Variants in PRH2 observed in about 807,000 individuals in gnomAD.
PRH2 encodes proline rich protein HaeIII subfamily 2, also known as salivary acidic proline-rich phosphoprotein 1/2.
Under a neutral mutation model 22.6 loss-of-function variants are expected in PRH2, and 19 were observed. The ratio of observed to expected loss-of-function variants is 0.84; its 90% CI spans 0.59 to 1.23. PRH2 has a LOEUF of 1.23. Ranked by LOEUF, PRH2 falls within the 50% of genes most tolerant of loss-of-function variation. The pLI is 0.00. For missense variants in PRH2, 109 were observed against 203.0 expected, an observed-to-expected ratio of 0.54 and a Z score of 2.81; for synonymous variants, 45 against 72.0, an observed-to-expected ratio of 0.63 and a Z score of 1.90.
In PRH2 at chr12:10,932,299, C is replaced by A; in HGVS notation, c.*92C>A. The A allele has an allele frequency of 2.6e-6, 1 of 382,706 alleles. No homozygotes were observed. The highest frequency in any genetic ancestry group is 5.7e-6 in the Non-Finnish European group (1 of 175,376). The allele number at this position is 382,706 out of a possible 1,614,324, so 23.7% of individuals were successfully genotyped here. ...TGATCATGCTCTAACTTCAATATAC[C>A]AATAAAATAATCAGCTTGCAATTTC... On this transcript the variant is annotated 3_prime_UTR_variant, in exon 4 of 4. Transcript: ENST00000396400.
chr12:10,929,884 C>G (rs1214397050), intron 1 of PRH2, among the ~76,000 whole-genome samples: 2 of 152,122 alleles, frequency 1.3e-5, no homozygotes, highest in Non-Finnish European at 2.9e-5. Flanking sequence ...AAGATTGTAT[C>G]TAAGTGGCTA....
Position 10,932,894 on chromosome 12 carries a change from C to T in PRH2, c.*687C>T, listed in dbSNP as rs1269928456. Among the ~76,000 whole-genome samples the T allele has an allele frequency of 6.6e-6, 1 of 150,968 alleles. No individual in the cohort carries two copies. On this transcript the variant is annotated 3_prime_UTR_variant, in exon 4 of 4. Coordinates refer to ENST00000396400, the MANE Select transcript of PRH2 (RefSeq NM_001110213.1). ...AGAAATTGATGACTTTATAATGCAA[C>T]CAGGAGTATTGAAAAAAAAGTAAGC...
At chr12:10,929,657 T>C (rs1277280813) in intron 1 of PRH2, among the ~76,000 whole-genome samples, 1 of 152,206 alleles carries the variant, frequency 6.6e-6, no homozygotes, top group African/African-American at 2.4e-5. Context: ...GTGAAGATCC[T>C]ATACTGATCC....
Position 10,931,076 on chromosome 12 carries a change from G to A in PRH2, c.*14G>A, listed in dbSNP as rs773808538. On this transcript the variant is annotated 3_prime_UTR_variant, in exon 3 of 4. Transcript: ENST00000396400. ...TCTCCTCAGTAATCTAGGATTCAAT[G>A]ATAGGTATGATTCCAGTTTATTATC... The A allele has an allele frequency of 7.7e-6, 12 of 1,553,214 alleles. No individual in the cohort carries two copies. The highest frequency in any genetic ancestry group is 1.0e-5 in the Non-Finnish European group (12 of 1,154,562).
rs1950167712 is a variant in PRH2 at position 10,929,301 on chromosome 12, C to G, written c.28C>G (p.Leu10Val). 6.2e-7 allele frequency: 1 copy of G among 1,614,046 alleles called. No individual in the cohort carries two copies. The highest frequency in any genetic ancestry group is 1.3e-5 in the African/African-American group (1 of 74,914). The change falls in exon 1 of 4, where the codon CTG becomes GTG. Residue 10 changes from leucine to valine, a missense_variant. By Grantham distance (32) the Leu-to-Val change is conservative. Coordinates refer to ENST00000396400, the MANE Select transcript of PRH2 (RefSeq NM_001110213.1). ...GCTTCTGATTCTGCTGTCAGTGGCC[C>G]TGCTGGCCTTCAGCTCAGCTCAGGA... MLLILLSVA[L>V]LAFSSAQDLD...
rs779349016 is a variant in PRH2 at position 10,930,915 on chromosome 12, C to G, written c.354C>G (p.Pro118=). The part of the protein sequence containing the change: ...PQGPPQQGGH[P]RPPRGRPQGP... ...GACCACCCCAACAGGGAGGCCATCC[C>G]CGTCCTCCTCGAGGAAGGCCACAAG... Residue 118 remains proline, a synonymous_variant, in exon 3 of 4, where the codon CCC becomes CCG. Coordinates refer to ENST00000396400, the MANE Select transcript of PRH2 (RefSeq NM_001110213.1). 11 of 1,608,234 alleles carry G rather than the reference C, an allele frequency of 6.8e-6. No individual in the cohort carries two copies. The highest frequency in any genetic ancestry group is 1.1e-5 in the South Asian group (1 of 90,496).
At position 10,934,660 on chromosome 12, in the gene PRH2, C is replaced by T. The variant is rs943987276; in HGVS notation, c.*2453C>T. Among the ~76,000 whole-genome samples the T allele has an allele frequency of 1.3e-5, 2 of 151,848 alleles. No homozygotes were observed. The highest frequency in any genetic ancestry group is 3.9e-4 in the East Asian group (2 of 5,188). ...AGGCTCAATATGAAAGTAGAAAGCA[C>T]TAAGGTGTACTAATGAATGGGCACA... is the stretch of plus-strand genomic sequence containing the variant. On this transcript the variant is annotated 3_prime_UTR_variant, in exon 4 of 4. Transcript: ENST00000396400.
chr12:10,931,185 G>A (rs1389129129), intron 3 of PRH2, 105 bp downstream of exon 3: 1 of 1,543,712 alleles, frequency 6.5e-7, no homozygotes, highest in East Asian at 2.3e-5. Context: ...TCCGTGTCCT[G>A]GAACACATTT....
rs1421987369 is a variant in PRH2, at chr12:10,932,961, G to A, written c.*754G>A. 6.6e-6 allele frequency among the ~76,000 whole-genome samples: 1 copy of A among 151,898 alleles called. No individual in the cohort carries two copies. The highest frequency in any genetic ancestry group is 1.5e-5 in the Non-Finnish European group (1 of 67,948). On this transcript the variant is annotated 3_prime_UTR_variant, in exon 4 of 4. Coordinates refer to ENST00000396400, the MANE Select transcript of PRH2 (RefSeq NM_001110213.1). ...TAAAAAAGAGAGACAAAATACACTTGGGAGAACAGAAATAAGAATTAATGA... is the reference window on the plus strand; with the variant it reads ...TAAAAAAGAGAGACAAAATACACTTAGGAGAACAGAAATAAGAATTAATGA...
rs1366620877 is a variant in PRH2 at position 10,933,386 on chromosome 12, GATTTATA to G, written c.*1180_*1186del. 6.6e-5 allele frequency among the ~76,000 whole-genome samples: 10 copies of G among 151,832 alleles called. No individual in the cohort carries two copies. Among genetic ancestry groups the G allele is most frequent in the African/African-American group, 2.4e-4 (10 of 41,380 alleles). On this transcript the variant is annotated 3_prime_UTR_variant, in exon 4 of 4. Transcript: ENST00000396400. The stretch of plus-strand genomic sequence containing the variant: ...TTAACAGGCAGTCCTTTAGTATGCT[GATTTATA>G]CAAAATGCTGAAAAGAAGAGAAATA...
At chr12:10,931,623 C>T (rs1420842030) in intron 3 of PRH2, among the ~76,000 whole-genome samples, 1 of 152,186 alleles carries the variant, frequency 6.6e-6, no homozygotes, top group African/African-American at 2.4e-5. Flanking sequence ...TTCTCCTCCC[C>T]TCTACCCTTA....
chr12:10,933,638 T>C lies in PRH2; in HGVS notation c.*1431T>C, dbSNP rs1418025206. Among the ~76,000 whole-genome samples the C allele has an allele frequency of 1.3e-5, 2 of 152,062 alleles. No homozygotes were observed. Among genetic ancestry groups the C allele is most frequent in the Non-Finnish European group, 2.9e-5 (2 of 67,960 alleles). On this transcript the variant is annotated 3_prime_UTR_variant, in exon 4 of 4. Coordinates refer to ENST00000396400, the MANE Select transcript of PRH2 (RefSeq NM_001110213.1). ...ACCATCTCAAAAGATGCCAACGTTG[T>C]CTTTGATAATATTTAATATATTTTT...
intron 3 of PRH2, 71 bp downstream of exon 3, chr12:10,931,151 A>G: frequency 3.2e-6 from 5 of 1,586,684 alleles, no homozygotes; most frequent in Non-Finnish European, 4.3e-6. Context: ...GTGCCAGTGA[A>G]TCTATTGAAA....
chr12:10,929,257 C>A lies in PRH2; in HGVS notation c.-17C>A, dbSNP rs1349935770. On this transcript the variant is annotated 5_prime_UTR_variant, in exon 1 of 4. Transcript: ENST00000396400. ...TCCCAGCATAAAGTTGGGAGTGACACCAGAGCCTTCTGCAAGATGCTTCTG... is the reference window on the plus strand; with the variant it reads ...TCCCAGCATAAAGTTGGGAGTGACAACAGAGCCTTCTGCAAGATGCTTCTG... 2 of 1,614,068 alleles carry A rather than the reference C, an allele frequency of 1.2e-6. No individual in the cohort carries two copies. Among genetic ancestry groups the A allele is most frequent in the Non-Finnish European group, 1.7e-6 (2 of 1,180,060 alleles).
At position 10,933,863 on chromosome 12, in the gene PRH2, G is replaced by A. The variant is rs1395976736; in HGVS notation, c.*1656G>A. Among the ~76,000 whole-genome samples, 1 of 151,880 alleles carries A rather than the reference G, an allele frequency of 6.6e-6. No individual in the cohort carries two copies. Among genetic ancestry groups the A allele is most frequent in the Non-Finnish European group, 1.5e-5 (1 of 67,924 alleles). On this transcript the variant is annotated 3_prime_UTR_variant, in exon 4 of 4. Transcript: ENST00000396400. The stretch of plus-strand genomic sequence containing the variant: ...ATTTTATTTAATATTAGATAAACAA[G>A]CACATAACAGAGATACATATATTCA...
At chr12:10,930,149 G>C in intron 1 of PRH2, 120 bp from the exon 2 acceptor site, 1 of 1,180,716 alleles carries the variant, frequency 8.5e-7, no homozygotes, top group Non-Finnish European at 1.3e-6. Context: ...GAGAGTGGCT[G>C]ATGAGATCTC....
At position 10,934,026 on chromosome 12, in the gene PRH2, T is replaced by C. The variant is rs957023642; in HGVS notation, c.*1819T>C. Among the ~76,000 whole-genome samples, 5 of 152,208 alleles carry C rather than the reference T, an allele frequency of 3.3e-5. No homozygotes were observed. Among genetic ancestry groups the C allele is most frequent in the Admixed American group, 6.5e-5 (1 of 15,286 alleles). On this transcript the variant is annotated 3_prime_UTR_variant, in exon 4 of 4. Coordinates refer to ENST00000396400, the MANE Select transcript of PRH2 (RefSeq NM_001110213.1). ...TAAAATTTAATACAATAGCCGTTTA[T>C]TAATTCAACTTCTAAAGAATCTTTG...
rs757688057 is a variant in PRH2, at chr12:10,932,274, T to A, written c.*67T>A. On this transcript the variant is annotated 3_prime_UTR_variant, in exon 4 of 4. Coordinates refer to ENST00000396400, the MANE Select transcript of PRH2 (RefSeq NM_001110213.1). ...GTTTCAAATGCCTTGAAACATAATG[T>A]GATCATGCTCTAACTTCAATATACC... 4.3e-4 allele frequency: 181 copies of A among 419,924 alleles called. 7 individuals are homozygous for A. Among genetic ancestry groups the A allele is most frequent in the South Asian group, 3.0e-3 (180 of 60,996 alleles). The allele number at this position is 419,924 out of a possible 1,614,324, so 26.0% of individuals were successfully genotyped here.
chr12:10,932,924 A>G lies in PRH2; in HGVS notation c.*717A>G, dbSNP rs1264135332. 2.0e-5 allele frequency among the ~76,000 whole-genome samples: 3 copies of G among 152,212 alleles called. No individual in the cohort carries two copies. Among genetic ancestry groups the G allele is most frequent in the African/African-American group, 4.8e-5 (2 of 41,462 alleles). ...AGTATTGAAAAAAAAGTAAGCAATGAGCTCAAATAATTAAAAAAGAGAGAC... is the reference window on the plus strand; with the variant it reads ...AGTATTGAAAAAAAAGTAAGCAATGGGCTCAAATAATTAAAAAAGAGAGAC... On this transcript the variant is annotated 3_prime_UTR_variant, in exon 4 of 4. Coordinates refer to ENST00000396400, the MANE Select transcript of PRH2 (RefSeq NM_001110213.1).
Sources: allele counts gnomAD v4.1 joint callset (sites outside exome capture counted in the v4.1 genomes callset), GRCh38; gene constraint gnomAD v4.1.1; transcripts MANE v1.5; gene names NCBI Gene and HGNC (gene_info 2026-07-23, HGNC 2026-07-21).